The following TMTC2 variants were observed in gnomAD, a reference collection of about 807,000 sequenced individuals.
The protein encoded by TMTC2 is protein O-mannosyl-transferase TMTC2.
TMTC2 carries 43 observed loss-of-function variants against 82.4 expected under a neutral mutation model. The ratio of observed to expected loss-of-function variants is 0.52; its 90% CI spans 0.41 to 0.67. The LOEUF is 0.67. TMTC2 is among the 30% of genes least tolerant of loss of function. The probability of loss-of-function intolerance (pLI) is 0.00; values close to 1 mark genes in which losing one functional copy is unlikely to be tolerated. For missense variants in TMTC2, 919 were observed against 1,012.4 expected, an observed-to-expected ratio of 0.91 and a Z score of 1.25; for synonymous variants, 408 against 381.9, an observed-to-expected ratio of 1.07 and a Z score of -0.80.
intron 3 of TMTC2, among the ~76,000 whole-genome samples, chr12:82,902,452 T>A (rs927694555): frequency 6.6e-6 from 1 of 152,246 alleles, no homozygotes; most frequent in East Asian, 1.9e-4. Context: ...GTTGGCCCTG[T>A]GACCCCAGTT....
chr12:82,806,667 A>C (rs1879255927), intron 1 of TMTC2, among the ~76,000 whole-genome samples: 1 of 152,160 alleles, frequency 6.6e-6, no homozygotes, highest in Admixed American at 6.5e-5. Context: ...CTTACAGTAA[A>C]GTAAGTTAGA....
At chr12:83,011,826 T>C (rs1455301236) in intron 8 of TMTC2, among the ~76,000 whole-genome samples, 1 of 152,268 alleles carries the variant, frequency 6.6e-6, no homozygotes, top group African/African-American at 2.4e-5. Flanking sequence ...AACTACATGA[T>C]ACTGAATTGT....
chr12:82,829,172 A>T (rs1869612725), intron 1 of TMTC2, among the ~76,000 whole-genome samples: 1 of 152,132 alleles, frequency 6.6e-6, no homozygotes, highest in Non-Finnish European at 1.5e-5. Context: ...TGTTTTGTTT[A>T]CAAGTGAGGA....
chr12:82,837,817 A>G (rs769126532), intron 1 of TMTC2, among the ~76,000 whole-genome samples: 2 of 152,196 alleles, frequency 1.3e-5, no homozygotes, highest in Non-Finnish European at 2.9e-5. Flanking sequence ...AGGATTATCT[A>G]TTTTATTATT....
chr12:82,875,367 T>C (rs1872430880), intron 2 of TMTC2, among the ~76,000 whole-genome samples: 1 of 148,234 alleles, frequency 6.7e-6, no homozygotes, highest in Admixed American at 6.6e-5. Flanking sequence ...TTAAATCATA[T>C]ATGTGTGTAT....
At chr12:82,804,265 AAG>A (rs989649803) in intron 1 of TMTC2, among the ~76,000 whole-genome samples, 3 of 152,134 alleles carry the variant, frequency 2.0e-5, no homozygotes, top group Non-Finnish European at 4.4e-5. Context: ...ACCTTTCAGA[AAG>A]AGAGGTTTTG....
chr12:83,085,358 A>G (rs1190614145), intron 11 of TMTC2, among the ~76,000 whole-genome samples: 1 of 152,188 alleles, frequency 6.6e-6, no homozygotes, highest in Non-Finnish European at 1.5e-5. Flanking sequence ...TATTTGTCCC[A>G]GAGAGAACGG....
chr12:82,691,655 T>G (rs2136883499), intron 1 of TMTC2, among the ~76,000 whole-genome samples: 1 of 152,300 alleles, frequency 6.6e-6, no homozygotes, highest in Admixed American at 6.5e-5. Flanking sequence ...CCTCGTGAAA[T>G]AATCACTCTG....
At chr12:82,696,963 C>CACATATATATATATATATATATAT (rs1491534159) in intron 1 of TMTC2, among the ~76,000 whole-genome samples, 1 of 121,348 alleles carries the variant, frequency 8.2e-6, no homozygotes, top group African/African-American at 3.1e-5. Flanking sequence ...TACATACATA[C>CACATATATATATATATATATATAT]GTATATATAT....
chr12:82,727,531 A>T (rs542907727), intron 1 of TMTC2, among the ~76,000 whole-genome samples: 11 of 151,708 alleles, frequency 7.3e-5, no homozygotes, highest in Non-Finnish European at 1.3e-4. Flanking sequence ...GACCAGCCTG[A>T]CCAACATGGT....
intron 10 of TMTC2, 93 bp from the exon 11 acceptor site, chr12:83,061,675 T>C: frequency 1.7e-6 from 2 of 1,172,682 alleles, no homozygotes; most frequent in Non-Finnish European, 2.3e-6. Flanking sequence ...TGACCAGAAT[T>C]TTTTTAAAAA....
chr12:82,953,340 T>G (rs965021376), intron 4 of TMTC2, among the ~76,000 whole-genome samples: 1 of 152,226 alleles, frequency 6.6e-6, no homozygotes, highest in Non-Finnish European at 1.5e-5. Context: ...CTCTAAATTT[T>G]GGAATTACTG....
intron 1 of TMTC2, chr12:82,690,272 T>C (rs890704371): frequency 5.8e-6 from 3 of 521,338 alleles, no homozygotes; most frequent in Non-Finnish European, 7.4e-6. Flanking sequence ...GTTTAAAACA[T>C]TGCTTAAACT....
At chr12:82,792,564 T>C (rs1472821397) in intron 1 of TMTC2, among the ~76,000 whole-genome samples, 2 of 151,996 alleles carry the variant, frequency 1.3e-5, no homozygotes, top group East Asian at 3.9e-4. Flanking sequence ...CTTCCTGGGG[T>C]CAAGCAATTC....
In TMTC2 at chr12:82,906,325, G is replaced by C. The variant is rs146910819; in HGVS notation, c.1483+9679G>C. ...ATTTGTCATGATATGTCCAAGGGAA[G>C]ATAAAAATTTTTCAACAGAAGTTCA... is the stretch of plus-strand genomic sequence containing the variant. On this transcript the variant is annotated intron_variant, in intron 3 of 11. Transcript: ENST00000321196. Among the ~76,000 whole-genome samples, 16 of 152,248 alleles carry C rather than the reference G, an allele frequency of 1.1e-4. No homozygotes were observed. In the East Asian group the frequency reaches 3.1e-3, roughly 29 times the overall value.
At chr12:82,867,536 A>G (rs1031444049) in intron 2 of TMTC2, among the ~76,000 whole-genome samples, 4 of 152,214 alleles carry the variant, frequency 2.6e-5, no homozygotes, top group African/African-American at 9.6e-5. Flanking sequence ...TTCCCATCAA[A>G]CTGTTGCTAA....
chr12:83,050,003 A>G (rs565972911), intron 9 of TMTC2, among the ~76,000 whole-genome samples: 3 of 152,300 alleles, frequency 2.0e-5, no homozygotes, highest in Admixed American at 6.5e-5. Context: ...GCAACTCAGA[A>G]CTTAATCATT....
intron 8 of TMTC2, among the ~76,000 whole-genome samples, chr12:83,001,465 C>T (rs938458802): frequency 3.5e-5 from 3 of 85,354 alleles, no homozygotes; most frequent in Non-Finnish European, 5.5e-5. Flanking sequence ...TGGAGTAACC[C>T]CGTCTCTACT....
At chr12:82,854,230 T>A in intron 1 of TMTC2, among the ~76,000 whole-genome samples, 1 of 152,222 alleles carries the variant, frequency 6.6e-6, no homozygotes, top group East Asian at 1.9e-4. Context: ...CAACTGTTAC[T>A]AGTTAACACT....
Sources: gnomAD v4.1 joint callset for allele counts (sites outside exome capture counted in the v4.1 genomes callset) on GRCh38, gnomAD v4.1.1 for gene constraint, MANE v1.5 for transcripts, NCBI Gene and HGNC (gene_info 2026-07-23, HGNC 2026-07-21) for gene names.